The following STRN3 variants were observed in gnomAD, a reference collection of about 807,000 sequenced individuals.
STRN3 encodes the protein striatin-3.
Under a neutral mutation model 95.6 loss-of-function variants are expected in STRN3, and 29 were observed. The ratio of observed to expected loss-of-function variants is 0.30; its 90% confidence interval spans 0.23 to 0.41. The LOEUF (loss-of-function observed/expected upper bound fraction) is 0.41, where lower values mean the gene tolerates loss of function less well. Among genes scored for constraint, STRN3 ranks in the 10% least tolerant of loss-of-function variants. STRN3 has a pLI of 1.00. For synonymous variants in STRN3, 331 were observed against 357.6 expected (o/e 0.93, Z 0.84); for missense variants, 890 against 972.1 (o/e 0.92, Z 1.12).
intron 1 of STRN3, among the ~76,000 whole-genome samples, chr14:31,024,477 T>TA (rs1883683385): frequency 6.6e-6 from 1 of 152,234 alleles, no homozygotes; most frequent in Admixed American, 6.5e-5. Context: ...TATGTAATTT[T>TA]AAAGCCCAAT....
chr14:30,942,562 C>A (rs750210844), intron 5 of STRN3, among the ~76,000 whole-genome samples: 1 of 152,008 alleles, frequency 6.6e-6, no homozygotes, highest in Non-Finnish European at 1.5e-5. Flanking sequence ...AAGAGGTGGG[C>A]GGGGAGCAAC....
chr14:30,950,631 C>T (rs1421685343), intron 4 of STRN3, among the ~76,000 whole-genome samples: 1 of 152,144 alleles, frequency 6.6e-6, no homozygotes, highest in Non-Finnish European at 1.5e-5. Flanking sequence ...TTGTTCTGCT[C>T]AAGTCATCCA....
chr14:30,937,317 T>C (rs1468785313), intron 5 of STRN3, among the ~76,000 whole-genome samples: 1 of 151,750 alleles, frequency 6.6e-6, no homozygotes, highest in African/African-American at 2.4e-5. Flanking sequence ...AGTCTCAAAA[T>C]GAAAACAAAA....
chr14:30,926,511 T>C (rs536076181), intron 8 of STRN3, among the ~76,000 whole-genome samples: 35 of 151,898 alleles, frequency 2.3e-4, no homozygotes, highest in Admixed American at 8.5e-4. Context: ...ATTTTTATAG[T>C]TTTTCTTTAT....
chr14:30,930,179 G>T (rs1231727523), intron 7 of STRN3, among the ~76,000 whole-genome samples: 1 of 151,888 alleles, frequency 6.6e-6, no homozygotes, highest in Non-Finnish European at 1.5e-5. Context: ...AGGAAAAACA[G>T]CACTAAAAAG....
intron 1 of STRN3, among the ~76,000 whole-genome samples, chr14:31,004,609 A>G (rs1045309619): frequency 1.3e-5 from 2 of 151,806 alleles, no homozygotes; most frequent in Non-Finnish European, 2.9e-5. Context: ...TCCTGTCTCT[A>G]CCAAAAATAC....
intron 5 of STRN3, among the ~76,000 whole-genome samples, chr14:30,946,028 A>C (rs1879344231): frequency 1.3e-5 from 2 of 152,198 alleles, no homozygotes; most frequent in South Asian, 4.1e-4. Flanking sequence ...AAACATTTTT[A>C]TCTGGTAGCT....
intron 5 of STRN3, among the ~76,000 whole-genome samples, chr14:30,939,525 A>T (rs1555318446): frequency 6.6e-6 from 1 of 152,192 alleles, no homozygotes; most frequent in Non-Finnish European, 1.5e-5. Context: ...TACTGAAGTT[A>T]GCTAAGAATA....
chr14:30,936,452 A>G, intron 6 of STRN3, 43 bp downstream of exon 6: 1 of 1,573,016 alleles, frequency 6.4e-7, no homozygotes, highest in Non-Finnish European at 8.6e-7. Context: ...CATTCCAACT[A>G]CATGAATATA....
chr14:30,979,762 G>A (rs1205957736), intron 1 of STRN3, among the ~76,000 whole-genome samples: 1 of 151,766 alleles, frequency 6.6e-6, no homozygotes, highest in Non-Finnish European at 1.5e-5. Context: ...ACCACACCCG[G>A]CTAATTTTTG....
Position 30,907,003 on chromosome 14 carries a change from C to T in STRN3, c.1762G>A (p.Ala588Thr), listed in dbSNP as rs1163615021. The change falls in exon 14 of 18, where the codon GCA becomes ACA. Residue 588 changes from alanine (A) to threonine (T), a missense_variant. Transcript: ENST00000357479. ...LAGTLVGHTDAVWGLAYSGIK... is the reference protein window; with the variant it reads ...LAGTLVGHTDTVWGLAYSGIK... ...CCACTATAAGCAAGACCCCAAACTG[C>T]ATCTGTATGACCAACTAAAGTGCCA... The T allele has an allele frequency of 6.2e-6, 10 of 1,613,700 alleles. No individual in the cohort carries two copies. In the East Asian group the frequency reaches 6.7e-5, roughly 11 times the overall value.
At chr14:30,944,414 C>T (rs1879239612) in intron 5 of STRN3, among the ~76,000 whole-genome samples, 1 of 150,996 alleles carries the variant, frequency 6.6e-6, no homozygotes, top group East Asian at 2.0e-4. Context: ...AAATCAAAGG[C>T]TTATGTTAAC....
At position 30,911,765 on chromosome 14, in the gene STRN3, A is replaced by T; in HGVS notation, c.1598+12T>A. Reference sequence around the variant, plus strand: ...GATGATGTTAATTAAATACCAATTCAGTAAAACTTACATGTGGGCCCTAAA... The same window carrying T: ...GATGATGTTAATTAAATACCAATTCTGTAAAACTTACATGTGGGCCCTAAA... On this transcript the variant is annotated intron_variant, in intron 12 of 17. Coordinates refer to ENST00000357479, the MANE Select transcript of STRN3 (RefSeq NM_001083893.2). 2 of 1,600,146 alleles carry T rather than the reference A, an allele frequency of 1.2e-6. No individual in the cohort carries two copies. The highest frequency in any genetic ancestry group is 1.7e-6 in the Non-Finnish European group (2 of 1,173,318).
chr14:30,938,678 TAAAGA>T (rs1878946628), intron 5 of STRN3, among the ~76,000 whole-genome samples: 1 of 151,954 alleles, frequency 6.6e-6, no homozygotes, highest in Non-Finnish European at 1.5e-5. Context: ...CAAGAGAATG[TAAAGA>T]AAAGCCTATA....
chr14:30,971,729 C>G (rs1280595068), intron 1 of STRN3, among the ~76,000 whole-genome samples: 1 of 152,118 alleles, frequency 6.6e-6, no homozygotes, highest in African/African-American at 2.4e-5. Flanking sequence ...ATGAGTCAGA[C>G]AGCAACTCAG....
At chr14:30,997,739 C>T (rs758865479) in intron 1 of STRN3, among the ~76,000 whole-genome samples, 1 of 152,156 alleles carries the variant, frequency 6.6e-6, no homozygotes, top group Non-Finnish European at 1.5e-5. Flanking sequence ...ACCCTCTAAG[C>T]TCAGAGTAGG....
chr14:31,013,689 G>A (rs1359547403), intron 1 of STRN3, among the ~76,000 whole-genome samples: 2 of 151,436 alleles, frequency 1.3e-5, no homozygotes, highest in African/African-American at 2.4e-5. Context: ...AAACTCCTGG[G>A]CTCAAGCAAT....
chr14:30,905,445 C>T lies in STRN3; in HGVS notation c.2002G>A (p.Val668Met), dbSNP rs781076022. 5 of 1,605,386 alleles carry T rather than the reference C, an allele frequency of 3.1e-6. No homozygotes were observed. The highest frequency in any genetic ancestry group is 4.2e-6 in the Non-Finnish European group (5 of 1,177,034). ...GAATCTACCTGTGATGAAAGTATCA[C>T]CAATGACTGTGATGTTTCTAAATCA... Reference protein sequence around the residue: ...IYDLETSQSLVILSSQVDSGL... With the variant: ...IYDLETSQSLMILSSQVDSGL... The change falls in exon 15 of 18, where the codon GTG (valine) becomes ATG (methionine). Residue 668 changes from valine to methionine, a missense_variant. By Grantham distance (21) the Val-to-Met change is conservative (BLOSUM62 1). Around this residue, in one of 3 missense-constraint regions of STRN3, gnomAD observed 357 missense variants for 422.8 expected, o/e 0.84. Transcript: ENST00000357479.
chr14:30,947,071 T>G lies in STRN3; in HGVS notation c.716+19A>C, dbSNP rs760121173. ...TCCATAATATCCATTATATAAACTA[T>G]GTTAAGTATAAATCATACCTTTTTA... On this transcript the variant is annotated intron_variant, in intron 5 of 17. Coordinates refer to ENST00000357479, the MANE Select transcript of STRN3 (RefSeq NM_001083893.2). 3.3e-6 allele frequency: 5 copies of G among 1,536,574 alleles called. No individual in the cohort carries two copies. In the Admixed American group the frequency reaches 8.0e-5, roughly 25 times the overall value.
Sources: allele counts gnomAD v4.1 joint callset (sites outside exome capture counted in the v4.1 genomes callset), GRCh38; gene constraint gnomAD v4.1.1; regional missense constraint gnomAD v4.1.1; transcripts MANE v1.5; gene names NCBI Gene and HGNC (gene_info 2026-07-23, HGNC 2026-07-21).